The following NEDD9 variants were observed in gnomAD, a reference collection of about 807,000 sequenced individuals.
The protein encoded by NEDD9 is enhancer of filamentation 1.
NEDD9 carries 26 observed loss-of-function variants against 76.6 expected under a neutral mutation model. That is an observed-to-expected ratio of 0.34 (90% CI 0.25 to 0.47). NEDD9 has a LOEUF of 0.47. NEDD9 is among the 20% of genes least tolerant of loss of function. NEDD9 has a pLI of 1.00. For missense variants in NEDD9, 937 were observed against 1,058.5 expected, an observed-to-expected ratio of 0.89 and a Z score of 1.59; for synonymous variants, 392 against 414.2, an observed-to-expected ratio of 0.95 and a Z score of 0.65.
chr6:11,347,442 T>C (rs1456407039), intron 1 of NEDD9, among the ~76,000 whole-genome samples: 1 of 152,110 alleles, frequency 6.6e-6, no homozygotes, highest in Non-Finnish European at 1.5e-5. Context: ...ATCATCCTGA[T>C]ACCAAAACCT....
chr6:11,279,397 A>G (rs1760483836), intron 3 of NEDD9, among the ~76,000 whole-genome samples: 2 of 152,222 alleles, frequency 1.3e-5, no homozygotes, highest in Admixed American at 1.3e-4. Context: ...TCCCCAGGCC[A>G]TGGCAAAAAC....
At chr6:11,344,640 A>G (rs1762332465) in intron 1 of NEDD9, among the ~76,000 whole-genome samples, 1 of 152,164 alleles carries the variant, frequency 6.6e-6, no homozygotes, top group Admixed American at 6.5e-5. Flanking sequence ...ATGGCATAGC[A>G]CATGCTTTAG....
upstream of NEDD9, chr6:11,232,742 A>G: frequency 3.5e-6 from 5 of 1,418,132 alleles, no homozygotes; most frequent in Non-Finnish European, 4.6e-6. Flanking sequence ...GGCTAGTGGG[A>G]CAAGGTAATG....
Position 11,321,286 on chromosome 6 carries a change from C to T in NEDD9, c.-153+13215G>A, listed in dbSNP as rs1188432312. The stretch of plus-strand genomic sequence containing the variant: ...GAAGCTACAGCTTAACAAATAAAAG[C>T]GAAGGCCACCAGCAGCGATGGTTTG... On this transcript the variant is annotated intron_variant, in intron 2 of 3. Transcript: ENST00000397378. 4.6e-5 allele frequency among the ~76,000 whole-genome samples: 7 copies of T among 152,108 alleles called. No individual in the cohort carries two copies. The East Asian group carries it at 5.8e-4, about 13-fold the overall frequency.
chr6:11,262,236 G>A (rs1388621468), intron 3 of NEDD9, among the ~76,000 whole-genome samples: 1 of 152,158 alleles, frequency 6.6e-6, no homozygotes, highest in East Asian at 1.9e-4. Flanking sequence ...AGCAGAGGAG[G>A]AAATTAGCAA....
chr6:11,233,647 G>A (rs960735691), upstream of NEDD9, among the ~76,000 whole-genome samples: 3 of 152,190 alleles, frequency 2.0e-5, no homozygotes, highest in African/African-American at 7.2e-5. Flanking sequence ...TCTCTCCAGC[G>A]AAGCACAGAA....
At chr6:11,200,312 A>G (rs1483154708) in intron 2 of NEDD9, 1 of 466,246 alleles carries the variant, frequency 2.1e-6, no homozygotes. Context: ...AGAACAGCTC[A>G]AAGCATGGAA....
At chr6:11,232,437 A>G in intron 1 of NEDD9, 67 bp downstream of exon 1, 1 of 1,596,660 alleles carries the variant, frequency 6.3e-7, no homozygotes, top group Non-Finnish European at 8.6e-7. Context: ...GAACACGCAT[A>G]CACAAGCACA....
Position 11,190,045 on chromosome 6 carries a change from G to A in NEDD9, c.1824C>T (p.Ser608=). 1 of 1,574,462 alleles carries A rather than the reference G, an allele frequency of 6.4e-7. No homozygotes were observed. Among genetic ancestry groups the A allele is most frequent in the Non-Finnish European group, 8.6e-7 (1 of 1,159,634 alleles). ...AHNKALPPGL[S]KEQAPDCSSS... Reference sequence around the variant, plus strand: ...TGCTACAGTCAGGGGCCTGCTCCTTGCTCAGGCCTGGGGGCAGTGCCTTGT... The same window carrying A: ...TGCTACAGTCAGGGGCCTGCTCCTTACTCAGGCCTGGGGGCAGTGCCTTGT... Residue 608 remains serine, a synonymous_variant, in exon 5 of 7, where the codon AGC becomes AGT. Transcript: ENST00000379446. This position sits in a 1 kb window ranked among gnomAD's most constrained non-coding sequence, Gnocchi z 5.8.
At chr6:11,215,870 A>C (rs10484450) in intron 1 of NEDD9, among the ~76,000 whole-genome samples, 17,212 of 152,240 alleles carry the variant, frequency 0.11, 1,176 homozygotes, top group Middle Eastern at 0.23. Flanking sequence ...AATCAGCATA[A>C]ATCAGCTCAA....
intron 3 of NEDD9, chr6:11,249,356 A>G (rs566956442): frequency 4.7e-5 from 17 of 359,702 alleles, no homozygotes; most frequent in African/African-American, 3.4e-4. Flanking sequence ...GGGCTCTATA[A>G]AGTCTGTAGA....
intron 2 of NEDD9, among the ~76,000 whole-genome samples, chr6:11,308,759 C>T (rs975820269): frequency 1.3e-5 from 2 of 152,132 alleles, no homozygotes; most frequent in Non-Finnish European, 2.9e-5. Context: ...TGTACTTCTA[C>T]CTTAAGCCCC....
chr6:11,202,154 T>G (rs984616305), intron 2 of NEDD9, among the ~76,000 whole-genome samples: 3 of 152,240 alleles, frequency 2.0e-5, no homozygotes, highest in Non-Finnish European at 4.4e-5. Context: ...TAGGTTTTAC[T>G]AAGTAACAGC....
intron 2 of NEDD9, among the ~76,000 whole-genome samples, chr6:11,326,018 T>C (rs1761918906): frequency 6.6e-6 from 1 of 152,018 alleles, no homozygotes; most frequent in African/African-American, 2.4e-5. Context: ...TCGTGGCACA[T>C]GCCTGTAATC....
intron 1 of NEDD9, among the ~76,000 whole-genome samples, chr6:11,350,559 G>T (rs568546949): frequency 2.6e-5 from 4 of 152,166 alleles, no homozygotes; most frequent in African/African-American, 7.2e-5. Flanking sequence ...AACTTCCTCC[G>T]TGACTAACTG....
intron 1 of NEDD9, among the ~76,000 whole-genome samples, chr6:11,348,051 C>T (rs1240962245): frequency 1.3e-5 from 2 of 152,188 alleles, no homozygotes; most frequent in Non-Finnish European, 1.5e-5. Flanking sequence ...ATAGTCTCTG[C>T]CCAAACACTC....
At chr6:11,291,206 A>G (rs147921820) in intron 3 of NEDD9, among the ~76,000 whole-genome samples, 25 of 151,242 alleles carry the variant, frequency 1.7e-4, no homozygotes, top group African/African-American at 5.8e-4. Flanking sequence ...AAGGTGCTCT[A>G]CTGGGTCCAA....
At chr6:11,209,490 G>A (rs146554181) in intron 2 of NEDD9, among the ~76,000 whole-genome samples, 23 of 152,182 alleles carry the variant, frequency 1.5e-4, no homozygotes, top group African/African-American at 5.1e-4. Context: ...TTGTACCTTC[G>A]GTGTGTCGTA....
At chr6:11,260,546 A>G (rs1435407132) in intron 3 of NEDD9, among the ~76,000 whole-genome samples, 1 of 152,236 alleles carries the variant, frequency 6.6e-6, no homozygotes, top group Non-Finnish European at 1.5e-5. Context: ...TGAAATGATG[A>G]AGATCACAAA....
Sources: gnomAD v4.1 joint callset for allele counts (sites outside exome capture counted in the v4.1 genomes callset) on GRCh38, gnomAD v4.1.1 for gene constraint, Gnocchi (gnomAD v3.1) non-coding constraint, MANE v1.5 for transcripts, NCBI Gene and HGNC (gene_info 2026-07-23, HGNC 2026-07-21) for gene names.